Variants in TRAP1 observed in about 807,000 individuals in gnomAD.
TRAP1 encodes the protein TNF receptor associated protein 1, also known as heat shock protein 75 kDa, mitochondrial.
Under a neutral mutation model 89.1 loss-of-function variants are expected in TRAP1, and 102 were observed. The observed-to-expected ratio is 1.15, with a 90% CI of 0.98 to 1.35. The LOEUF (loss-of-function observed/expected upper bound fraction) is 1.35, where lower values mean the gene tolerates loss of function less well. Ranked by LOEUF, TRAP1 falls within the 40% of genes most tolerant of loss-of-function variation. TRAP1 has a pLI of 0.00. For missense variants in TRAP1, 1,256 were observed against 945.3 expected, an observed-to-expected ratio of 1.33 and a Z score of -4.31; for synonymous variants, 508 against 388.0, an observed-to-expected ratio of 1.31 and a Z score of -3.64.
At chr16:3,664,139 C>G in intron 13 of TRAP1, 135 bp downstream of exon 13, 1 of 927,726 alleles carries the variant, frequency 1.1e-6, no homozygotes, top group Non-Finnish European at 1.5e-6. Context: ...GGTCCGGCCT[C>G]TGTGCCCGTG....
intron 1 of TRAP1, among the ~76,000 whole-genome samples, chr16:3,701,160 T>C (rs1251936545): frequency 6.6e-6 from 1 of 152,060 alleles, no homozygotes; most frequent in Non-Finnish European, 1.5e-5. Context: ...TCTATTAATA[T>C]CAAGTAAAAT....
rs1375713943 is a variant in TRAP1 at position 3,664,350 on chromosome 16, T to C, written c.1493A>G (p.Tyr498Cys). 1.2e-6 allele frequency: 2 copies of C among 1,613,016 alleles called. No individual in the cohort carries two copies. The highest frequency in any genetic ancestry group is 1.7e-6 in the Non-Finnish European group (2 of 1,179,666). ...GTGACGGTTGGGGGCGCACAGGTAGTAGATGTTGCGGGTGCCGGCCCGCAT... is the reference window on the plus strand; with the variant it reads ...GTGACGGTTGGGGGCGCACAGGTAGCAGATGTTGCGGGTGCCGGCCCGCAT... ...SRMRAGTRNI[Y>C]YLCAPNRHLA... Residue 498 changes from tyrosine (Y) to cysteine (C), a missense_variant, in exon 13 of 18, where the codon TAC (tyrosine) becomes TGC (cysteine). Transcript: ENST00000246957.
Position 3,672,694 on chromosome 16 carries a change from G to A in TRAP1, c.1165+6C>T, listed in dbSNP as rs369522732. 76 of 1,605,658 alleles carry A rather than the reference G, an allele frequency of 4.7e-5. No homozygotes were observed. Among genetic ancestry groups the A allele is most frequent in the Non-Finnish European group, 5.8e-5 (68 of 1,176,844 alleles). On this transcript the variant is annotated splice_donor_region_variant and intron_variant, in intron 10 of 17. Transcript: ENST00000246957. ...GGGCACTGCTCACGGACTCTGAGCA[G>A]CGTACCTCGGATGAAGCGCAGCCAC...
At position 3,685,892 on chromosome 16, in the gene TRAP1, C is replaced by T. The variant is rs1248744506; in HGVS notation, c.471+104G>A. ...TATAGCCAGAGTTATCCTGGTGGTACGGACGGCCAGTACGTCCCTGGGACC... is the reference window on the plus strand; with the variant it reads ...TATAGCCAGAGTTATCCTGGTGGTATGGACGGCCAGTACGTCCCTGGGACC... On this transcript the variant is annotated intron_variant, in intron 4 of 17. Transcript: ENST00000246957. 1.8e-5 allele frequency: 24 copies of T among 1,356,526 alleles called. 1 individual carries two copies. The highest frequency in any genetic ancestry group is 4.4e-5 in the African/African-American group (3 of 68,868). 84.0% of individuals were successfully genotyped at this position (1,356,526 alleles called of 1,614,324 possible). A position where few individuals can be genotyped will look rare whatever the true frequency, so the allele number is the denominator to read the frequency against.
chr16:3,662,843 C>T (rs141002914), intron 15 of TRAP1, 39 bp downstream of exon 15: 2 of 1,604,982 alleles, frequency 1.2e-6, no homozygotes, highest in African/African-American at 1.3e-5. Flanking sequence ...GTTAGGGACA[C>T]TGCGGCCAAG....
chr16:3,699,056 T>C (rs145215112), intron 1 of TRAP1, among the ~76,000 whole-genome samples: 25 of 152,234 alleles, frequency 1.6e-4, no homozygotes, highest in African/African-American at 6.0e-4. Flanking sequence ...TGTTAAACTA[T>C]CTGGTGGTTT....
chr16:3,699,958 G>C (rs1042297556), intron 1 of TRAP1, among the ~76,000 whole-genome samples: 2 of 151,692 alleles, frequency 1.3e-5, no homozygotes, highest in Admixed American at 1.3e-4. Context: ...TTACAGGTCT[G>C]AGCCACCACG....
rs77440336 is a variant in TRAP1 at position 3,663,528 on chromosome 16, G to C, written c.1604C>G (p.Thr535Ser). The change falls in exon 14 of 18, where the codon ACC (threonine) becomes AGC (serine). Residue 535 changes from threonine to serine, a missense_variant. Coordinates refer to ENST00000246957, the MANE Select transcript of TRAP1 (RefSeq NM_016292.3). ...GTCAAACTCACGAAGGTGCAGCAGG[G>C]TGAGCTCATCAAACTGCTCAAAGCA... ...LFCFEQFDELTLLHLREFDKK... is the reference protein window; with the variant it reads ...LFCFEQFDELSLLHLREFDKK... 1.4e-3 allele frequency: 2,293 copies of C among 1,614,090 alleles called. 22 individuals carry two copies. In the African/African-American group the frequency reaches 0.026, roughly 18 times the overall value.
chr16:3,706,341 C>T (rs924867523), intron 1 of TRAP1, among the ~76,000 whole-genome samples: 1 of 151,884 alleles, frequency 6.6e-6, no homozygotes, highest in Non-Finnish European at 1.5e-5. Context: ...TGTTTACAGG[C>T]ACTGTCATGG....
intron 11 of TRAP1, among the ~76,000 whole-genome samples, chr16:3,670,922 T>C (rs1283387703): frequency 6.6e-6 from 1 of 151,656 alleles, no homozygotes; most frequent in African/African-American, 2.4e-5. Context: ...GACCAGTGCC[T>C]CTCGGTGTGG....
At chr16:3,717,376 C>G in intron 1 of TRAP1, 45 bp downstream of exon 1, 1 of 825,600 alleles carries the variant, frequency 1.2e-6, no homozygotes, top group South Asian at 5.5e-5. Context: ...CTGCCGTCTC[C>G]GTGGCCCGGC....
At chr16:3,670,520 G>A (rs1472920711) in intron 11 of TRAP1, among the ~76,000 whole-genome samples, 1 of 150,682 alleles carries the variant, frequency 6.6e-6, no homozygotes. Flanking sequence ...GGGCAACATA[G>A]TGAGATCCCA....
intron 1 of TRAP1, among the ~76,000 whole-genome samples, chr16:3,704,912 G>A (rs1389907388): frequency 6.6e-6 from 1 of 151,584 alleles, no homozygotes; most frequent in Admixed American, 6.6e-5. Context: ...ATGGACCATA[G>A]AAGTAAAAAT....
chr16:3,713,791 T>C (rs2051562775), intron 1 of TRAP1, among the ~76,000 whole-genome samples: 2 of 152,222 alleles, frequency 1.3e-5, no homozygotes, highest in Admixed American at 6.5e-5. Flanking sequence ...GCCTCATCCT[T>C]CTACTGGCAC....
chr16:3,663,507 A>T lies in TRAP1; in HGVS notation c.1625T>A (p.Phe542Tyr). The change falls in exon 14 of 18, where the codon TTT becomes TAT. Residue 542 changes from phenylalanine (F) to tyrosine (Y), a missense_variant. By Grantham distance (22) the Phe-to-Tyr change is conservative (BLOSUM62 3). Transcript: ENST00000246957. The stretch of plus-strand genomic sequence containing the variant: ...CACAGAGATCAGCTTCTTCTTGTCA[A>T]ACTCACGAAGGTGCAGCAGGGTGAG... ...DELTLLHLRE[F>Y]DKKKLISVET... 2 of 1,614,064 alleles carry T rather than the reference A, an allele frequency of 1.2e-6. No homozygotes were observed. The highest frequency in any genetic ancestry group is 1.7e-6 in the Non-Finnish European group (2 of 1,180,006).
chr16:3,705,879 G>A (rs1413619658), intron 1 of TRAP1, among the ~76,000 whole-genome samples: 1 of 151,644 alleles, frequency 6.6e-6, no homozygotes. Flanking sequence ...TTTTAGTAGA[G>A]ACGGGGTTTC....
At chr16:3,708,536 C>A (rs1479582342) in intron 1 of TRAP1, among the ~76,000 whole-genome samples, 1 of 151,864 alleles carries the variant, frequency 6.6e-6, no homozygotes, top group Non-Finnish European at 1.5e-5. Context: ...ACTAGGGAGG[C>A]TGAGGCAGGA....
Position 3,662,956 on chromosome 16 carries a change from G to T in TRAP1, c.1720C>A (p.Leu574Ile). 1 of 1,610,256 alleles carries T rather than the reference G, an allele frequency of 6.2e-7. No homozygotes were observed. The change falls in exon 15 of 18, where the codon CTA becomes ATA. Residue 574 changes from leucine (L) to isoleucine (I), a missense_variant. Physicochemically the swap from Leu to Ile is conservative, Grantham distance 5 (BLOSUM62 2). Coordinates refer to ENST00000246957, the MANE Select transcript of TRAP1 (RefSeq NM_016292.3). ...AGCTCCTCCGTCTCCTTCTCTGATA[G>T]GCACTCGGCGGCTGCGGAAGAGCAG... is the stretch of plus-strand genomic sequence containing the variant. ...FEDRSPAAEC[L>I]SEKETEELMA...
At chr16:3,678,861 A>C (rs1284906608) in intron 5 of TRAP1, among the ~76,000 whole-genome samples, 2 of 152,234 alleles carry the variant, frequency 1.3e-5, no homozygotes, top group Non-Finnish European at 2.9e-5. Context: ...GTCTGAGTCC[A>C]AATGTGTTGC....
Sources: allele counts gnomAD v4.1 joint callset (sites outside exome capture counted in the v4.1 genomes callset), GRCh38; gene constraint gnomAD v4.1.1; transcripts MANE v1.5; gene names NCBI Gene and HGNC (gene_info 2026-07-23, HGNC 2026-07-21).